The following NHSL2 variants were observed in gnomAD, a reference collection of about 807,000 sequenced individuals.
The protein encoded by NHSL2 is NHS-like protein 2.
NHSL2 carries 27 observed loss-of-function variants against 53.4 expected under a neutral mutation model. That is an observed-to-expected ratio of 0.51 (90% CI 0.37 to 0.70). NHSL2 has a LOEUF of 0.70. Among genes scored for constraint, NHSL2 ranks in the 30% least tolerant of loss-of-function variants. The pLI, the probability that NHSL2 is intolerant of heterozygous loss-of-function variation, is 0.00. For missense variants in NHSL2, 892 were observed against 980.1 expected (o/e 0.91, Z 1.20); for synonymous variants, 408 against 404.1 (o/e 1.01, Z -0.12).
chrX:72,129,870 CT>C (rs1379185456), intron 1 of NHSL2: 3 of 1,201,437 alleles, frequency 2.5e-6, no homozygotes, highest in South Asian at 1.8e-5. Flanking sequence ...GGTGGCCCCC[CT>C]GTCTCGGAGT....
intron 1 of NHSL2, among the ~76,000 whole-genome samples, chrX:71,993,115 G>A (rs987110794): frequency 1.8e-5 from 2 of 112,059 alleles, no homozygotes; most frequent in Non-Finnish European, 3.8e-5. Flanking sequence ...GTCTCTGGCA[G>A]TAGTTGCTGG....
intron 1 of NHSL2, among the ~76,000 whole-genome samples, chrX:72,015,820 ATTTAT>A (rs1386239095): frequency 8.9e-6 from 1 of 112,008 alleles, no homozygotes; most frequent in Non-Finnish European, 1.9e-5. Context: ...CTTTGCCCAT[ATTTAT>A]TTTGAGTTGT....
At chrX:72,042,572 G>C (rs2042280968) in intron 1 of NHSL2, among the ~76,000 whole-genome samples, 1 of 111,250 alleles carries the variant, frequency 9.0e-6, no homozygotes, top group Admixed American at 9.5e-5. Context: ...CAGGCCAGTA[G>C]CTGCCTGGGG....
At chrX:71,946,530 T>C (rs1384248664) in intron 1 of NHSL2, among the ~76,000 whole-genome samples, 1 of 111,454 alleles carries the variant, frequency 9.0e-6, no homozygotes, top group East Asian at 2.8e-4. Context: ...CAGAGAAAGA[T>C]GAGCTCACAC....
At chrX:71,962,171 T>C (rs948066698) in intron 1 of NHSL2, among the ~76,000 whole-genome samples, 3 of 112,385 alleles carry the variant, frequency 2.7e-5, no homozygotes, top group African/African-American at 9.7e-5. Flanking sequence ...TAAATCCTAA[T>C]TGGCCATGGC....
intron 1 of NHSL2, among the ~76,000 whole-genome samples, chrX:71,944,728 G>A (rs1236555676): frequency 8.9e-6 from 1 of 111,886 alleles, no homozygotes; most frequent in Non-Finnish European, 1.9e-5. Context: ...GTTTTCTGGA[G>A]TAGTTCTGGA....
intron 1 of NHSL2, chrX:72,129,727 C>T: frequency 3.7e-6 from 3 of 805,710 alleles, no homozygotes; most frequent in South Asian, 2.6e-5. Flanking sequence ...AGGTCTGAAA[C>T]TCCCTGAAGT....
intron 1 of NHSL2, among the ~76,000 whole-genome samples, chrX:72,029,812 G>A (rs2042205258): frequency 8.9e-6 from 1 of 112,253 alleles, no homozygotes; most frequent in Admixed American, 9.4e-5. Context: ...CAGCAGCTGG[G>A]CCTTCCCATC....
chrX:72,144,607 G>A lies in NHSL2; in HGVS notation c.*1033G>A. 2 of 916,584 alleles carry A rather than the reference G, an allele frequency of 2.2e-6. No homozygotes were observed. Among genetic ancestry groups the A allele is most frequent in the Non-Finnish European group, 2.9e-6 (2 of 678,637 alleles). 75.5% of individuals were successfully genotyped at this position (916,584 alleles called of 1,213,427 possible). A position where few individuals can be genotyped will look rare whatever the true frequency, so the allele number is the denominator to read the frequency against. ...TGTGGTTGGTTTGGTTTTGTTTAAAGGAAGTCCGACTCTGTTCCAAAAACC... is the reference window on the plus strand; with the variant it reads ...TGTGGTTGGTTTGGTTTTGTTTAAAAGAAGTCCGACTCTGTTCCAAAAACC... On this transcript the variant is annotated 3_prime_UTR_variant, in exon 8 of 8. Coordinates refer to ENST00000633930, the MANE Select transcript of NHSL2 (RefSeq NM_001013627.3).
chrX:72,000,083 T>A (rs59789240), intron 1 of NHSL2, among the ~76,000 whole-genome samples: 17,569 of 111,716 alleles, frequency 0.16, 1,806 homozygotes, highest in African/African-American at 0.38. Context: ...CCTATGTATG[T>A]ATGTGTATAT....
intron 1 of NHSL2, among the ~76,000 whole-genome samples, chrX:72,106,763 C>CTGTGTATGGAATACTGTG (rs2042044562): frequency 2.7e-5 from 3 of 112,065 alleles, no homozygotes; most frequent in Non-Finnish European, 5.6e-5. Flanking sequence ...CACATACACA[C>CTGTGTATGGAATACTGTG]TATGGAATAC....
chrX:71,936,098 A>G (rs2041736901), intron 1 of NHSL2, among the ~76,000 whole-genome samples: 1 of 112,162 alleles, frequency 8.9e-6, no homozygotes, highest in African/African-American at 3.2e-5. Context: ...GACAGAGGGA[A>G]GATGGAGCTG....
intron 1 of NHSL2, among the ~76,000 whole-genome samples, chrX:71,972,608 T>C (rs894957352): frequency 1.9e-5 from 2 of 106,339 alleles, no homozygotes; most frequent in African/African-American, 6.8e-5. Context: ...GATCTCTTTG[T>C]CTTTATCCTG....
rs2042141928 is a variant in NHSL2 at position 72,017,821 on chromosome X, G to A, written c.280+106454G>A. On this transcript the variant is annotated intron_variant, in intron 1 of 7. Coordinates refer to ENST00000633930, the MANE Select transcript of NHSL2 (RefSeq NM_001013627.3). The stretch of plus-strand genomic sequence containing the variant: ...TACCTGAGTAGAAGTACAAAGTGAT[G>A]TATGGATTTTAATTGCCCCACTTTT... Among the ~76,000 whole-genome samples, 3 of 112,427 alleles carry A rather than the reference G, an allele frequency of 2.7e-5. No homozygotes were observed. In the South Asian group the frequency reaches 1.1e-3, roughly 41 times the overall value.
At chrX:71,974,965 T>C (rs1347678731) in intron 1 of NHSL2, among the ~76,000 whole-genome samples, 1 of 112,171 alleles carries the variant, frequency 8.9e-6, no homozygotes, top group Non-Finnish European at 1.9e-5. Context: ...TAAAGAAGTA[T>C]GGGACTCCAA....
At chrX:72,114,548 G>C (rs1386319881) in intron 1 of NHSL2, among the ~76,000 whole-genome samples, 14 of 111,984 alleles carry the variant, frequency 1.3e-4, no homozygotes. Flanking sequence ...GAGGAAGCAG[G>C]ATTATGCAGA....
intron 1 of NHSL2, among the ~76,000 whole-genome samples, chrX:71,932,929 A>C (rs1249991767): frequency 8.9e-6 from 1 of 112,393 alleles, no homozygotes; most frequent in Non-Finnish European, 1.9e-5. Context: ...TCTAAGAACA[A>C]CCCTTGTGCT....
intron 1 of NHSL2, among the ~76,000 whole-genome samples, chrX:71,922,956 T>C (rs752468987): frequency 5.3e-5 from 6 of 112,304 alleles, no homozygotes; most frequent in African/African-American, 1.9e-4. Flanking sequence ...CCCATAATTC[T>C]GAGTTAATGA....
At chrX:71,968,838 A>G (rs750702698) in intron 1 of NHSL2, among the ~76,000 whole-genome samples, 2 of 112,209 alleles carry the variant, frequency 1.8e-5, no homozygotes, top group Non-Finnish European at 3.8e-5. Context: ...GTTGACCATA[A>G]TTTTAGGGTT....
Sources: gnomAD v4.1 joint callset for allele counts (sites outside exome capture counted in the v4.1 genomes callset) on GRCh38, gnomAD v4.1.1 for gene constraint, MANE v1.5 for transcripts, NCBI Gene and HGNC (gene_info 2026-07-23, HGNC 2026-07-21) for gene names.